Variants in GTSE1 observed in about 807,000 individuals in gnomAD.
The protein encoded by GTSE1 is G2 and S phase-expressed protein 1.
GTSE1 carries 52 observed loss-of-function variants against 60.5 expected under a neutral mutation model. The observed-to-expected ratio is 0.86, with a 90% confidence interval of 0.69 to 1.08. The LOEUF (loss-of-function observed/expected upper bound fraction) is 1.08, where lower values mean the gene tolerates loss of function less well. Among genes scored for constraint, GTSE1 ranks in the 50% least tolerant of loss-of-function variants. The pLI, the probability that GTSE1 is intolerant of heterozygous loss-of-function variation, is 0.00. For missense variants in GTSE1, 937 were observed against 961.8 expected (o/e 0.97, Z 0.34); for synonymous variants, 368 against 386.5 (o/e 0.95, Z 0.56).
Position 46,329,964 on chromosome 22 carries a change from A to ACGCAGC in GTSE1, c.2137-81_2137-76dup, listed in dbSNP as rs1338350325. On this transcript the variant is annotated intron_variant, in intron 11 of 11. Transcript: ENST00000454366. This position sits in a 1 kb window ranked among gnomAD's most constrained non-coding sequence, Gnocchi z 6.4. The stretch of plus-strand genomic sequence containing the variant: ...GATGAGCGAGTGGCTGTGATGACCC[A>ACGCAGC]CGCAGCCAGTCCTCTGTGCAGGGAG... The ACGCAGC allele has an allele frequency of 1.2e-6, 1 of 846,870 alleles. No individual in the cohort carries two copies. Among genetic ancestry groups the ACGCAGC allele is most frequent in the Non-Finnish European group, 2.0e-6 (1 of 489,676 alleles). 52.5% of individuals were successfully genotyped at this position (846,870 alleles called of 1,614,324 possible). A position where few individuals can be genotyped will look rare whatever the true frequency, so the allele number is the denominator to read the frequency against.
At chr22:46,325,011 C>T (rs1018435941) in intron 8 of GTSE1, among the ~76,000 whole-genome samples, 2 of 152,134 alleles carry the variant, frequency 1.3e-5, no homozygotes, top group African/African-American at 4.8e-5. Context: ...GCTACTATAA[C>T]AAACGTTCTA....
Position 46,316,607 on chromosome 22 carries a change from G to A in GTSE1, c.1432+195G>A, listed in dbSNP as rs2077782469. Among the ~76,000 whole-genome samples the A allele has an allele frequency of 6.6e-6, 1 of 152,124 alleles. No homozygotes were observed. The highest frequency in any genetic ancestry group is 2.4e-5 in the African/African-American group (1 of 41,404). The stretch of plus-strand genomic sequence containing the variant: ...GAGGCTCCCTGAATGTCTTACGTTC[G>A]TTCCTGTGTGTGTGACACCCCAATG... On this transcript the variant is annotated intron_variant, in intron 7 of 11. Coordinates refer to ENST00000454366, the MANE Select transcript of GTSE1 (RefSeq NM_016426.7). The surrounding 1 kb of genome is among the most constrained non-coding windows in gnomAD (Gnocchi z 5.0).
intron 2 of GTSE1, among the ~76,000 whole-genome samples, chr22:46,305,468 G>A (rs1448497154): frequency 1.3e-5 from 2 of 152,060 alleles, no homozygotes; most frequent in African/African-American, 4.8e-5. Context: ...AATTAGCTGG[G>A]CGTGGTAGCA....
Position 46,317,256 on chromosome 22 carries a change from C to T in GTSE1, c.1432+844C>T, listed in dbSNP as rs372841301. Among the ~76,000 whole-genome samples the T allele has an allele frequency of 2.1e-3, 322 of 152,294 alleles. 2 individuals carry two copies. The highest frequency in any genetic ancestry group is 7.2e-3 in the African/African-American group (298 of 41,556). On this transcript the variant is annotated intron_variant, in intron 7 of 11. Transcript: ENST00000454366. The surrounding 1 kb of genome is among the most constrained non-coding windows in gnomAD (Gnocchi z 5.6). ...TGCTGGGATTATAGGTGTGAGCCAC[C>T]GTGCCCGGCCCAGCCTTTTTCCTTG...
At chr22:46,322,778 CG>C (rs1569045777) in intron 7 of GTSE1, among the ~76,000 whole-genome samples, 3 of 152,214 alleles carry the variant, frequency 2.0e-5, no homozygotes, top group African/African-American at 7.2e-5. Flanking sequence ...CTCTGTTGCG[CG>C]TGCCTGGGAA....
At chr22:46,299,808 T>G (rs1464307723) in intron 2 of GTSE1, among the ~76,000 whole-genome samples, 1 of 151,926 alleles carries the variant, frequency 6.6e-6, no homozygotes, top group Admixed American at 6.6e-5. Context: ...TTCTTTTTTT[T>G]TTTTGAGACA....
Position 46,316,093 on chromosome 22 carries a change from C to T in GTSE1, c.1113C>T (p.Ser371=), listed in dbSNP as rs770979209. 6.5e-7 allele frequency: 1 copy of T among 1,547,694 alleles called. No homozygotes were observed. The highest frequency in any genetic ancestry group is 2.0e-5 in the Admixed American group (1 of 49,392). Residue 371 remains serine, a synonymous_variant, in exon 7 of 12, where the codon AGC becomes AGT. Transcript: ENST00000454366. This position sits in a 1 kb window ranked among gnomAD's most constrained non-coding sequence, Gnocchi z 5.0. ...ANSSRPLSNI[S]KSGRMGPAML... ...GCTCCCGGCCTCTGTCAAACATCAG[C>T]AAGTCAGGCAGAATGGGACCCGCCA...
chr22:46,297,057 T>G lies in GTSE1; in HGVS notation c.-22+126T>G. The G allele has an allele frequency of 8.1e-6, 2 of 245,994 alleles. No homozygotes were observed. The allele number at this position is 245,994 out of a possible 1,614,324, so 15.2% of individuals were successfully genotyped here. A position where few individuals can be genotyped will look rare whatever the true frequency, so the allele number is the denominator to read the frequency against. ...AGCCGGGCCTGGGCTCGAGCAGGGG[T>G]CACTGAGGCCCCTCGCGCCGTGGTC... is the stretch of plus-strand genomic sequence containing the variant. On this transcript the variant is annotated intron_variant, in intron 1 of 11. Transcript: ENST00000454366. The surrounding 1 kb of genome is among the most constrained non-coding windows in gnomAD (Gnocchi z 4.9).
At position 46,309,433 on chromosome 22, in the gene GTSE1, G is replaced by A. The variant is rs1454824574; in HGVS notation, c.762+490G>A. 6.6e-6 allele frequency among the ~76,000 whole-genome samples: 1 copy of A among 152,118 alleles called. No individual in the cohort carries two copies. The highest frequency in any genetic ancestry group is 1.9e-4 in the East Asian group (1 of 5,186). ...TCCTGGAGGTCTGGGGGAAAGCTGG[G>A]TGTGAGCACAGGACTTGCTGCCAGG... On this transcript the variant is annotated intron_variant, in intron 4 of 11. Transcript: ENST00000454366. The surrounding 1 kb of genome is among the most constrained non-coding windows in gnomAD (Gnocchi z 6.2).
intron 2 of GTSE1, among the ~76,000 whole-genome samples, 192 bp from the exon 3 acceptor site, chr22:46,307,958 A>T (rs1366921913): frequency 6.6e-6 from 1 of 152,102 alleles, no homozygotes; most frequent in Non-Finnish European, 1.5e-5. Context: ...GAAAAAATTT[A>T]AAAAATTTTT....
chr22:46,297,374 C>T lies in GTSE1; in HGVS notation c.-21-6C>T, dbSNP rs769264170. 3 of 1,555,586 alleles carry T rather than the reference C, an allele frequency of 1.9e-6. No homozygotes were observed. The highest frequency in any genetic ancestry group is 2.7e-6 in the Non-Finnish European group (3 of 1,126,804). On this transcript the variant is annotated splice_polypyrimidine_tract_variant and splice_region_variant and intron_variant, in intron 1 of 11. Coordinates refer to ENST00000454366, the MANE Select transcript of GTSE1 (RefSeq NM_016426.7). The surrounding 1 kb of genome is among the most constrained non-coding windows in gnomAD (Gnocchi z 4.9). ...ACTCACTTTCTGGCCCCGTTCCACC[C>T]TGCAGTGACTTCTGACAGCTCTCTC...
At position 46,297,271 on chromosome 22, in the gene GTSE1, C is replaced by T. The variant is rs1601895043; in HGVS notation, c.-21-109C>T. On this transcript the variant is annotated intron_variant, in intron 1 of 11. Coordinates refer to ENST00000454366, the MANE Select transcript of GTSE1 (RefSeq NM_016426.7). This position sits in a 1 kb window ranked among gnomAD's most constrained non-coding sequence, Gnocchi z 4.9. ...CGGCCCCCGCGCCGCCTCTCCCAGA[C>T]CTGGCCGCGGCCTTCAGCTCTCTCT... 1.4e-6 allele frequency: 1 copy of T among 728,308 alleles called. No individual in the cohort carries two copies. The highest frequency in any genetic ancestry group is 2.1e-5 in the Admixed American group (1 of 46,822). The allele number at this position is 728,308 out of a possible 1,614,324, so 45.1% of individuals were successfully genotyped here. A position where few individuals can be genotyped will look rare whatever the true frequency, so the allele number is the denominator to read the frequency against.
In GTSE1 at chr22:46,308,580, C is replaced by T. The variant is rs766428983; in HGVS notation, c.399C>T (p.Gly133=). 1.1e-5 allele frequency: 18 copies of T among 1,613,924 alleles called. No homozygotes were observed. In the Middle Eastern group the frequency reaches 4.9e-4, roughly 44 times the overall value. The change falls in exon 4 of 12, where the codon GGC becomes GGT. Residue 133 remains glycine (G), a synonymous_variant. Transcript: ENST00000454366. ...AGCCTGAAGACCCTCGGAGCCAGGG[C>T]GTGGAAAGATTCATACAGGAGTCAA... is the stretch of plus-strand genomic sequence containing the variant. The part of the protein sequence containing the change: ...AAKPEDPRSQ[G]VERFIQESKL...
chr22:46,323,212 A>C lies in GTSE1; in HGVS notation c.1455A>C (p.Thr485=), dbSNP rs1399170182. The C allele has an allele frequency of 6.2e-7, 1 of 1,613,890 alleles. No individual in the cohort carries two copies. Among genetic ancestry groups the C allele is most frequent in the Non-Finnish European group, 8.5e-7 (1 of 1,179,852 alleles). Residue 485 remains threonine, a synonymous_variant, in exon 8 of 12, where the codon ACA becomes ACC. Transcript: ENST00000454366. ...FSIGDSPDSS[T]PKLSRAQRPQ... is the part of the protein sequence containing the mutation. ...TAGGTGACTCCCCGGACAGCTCAACACCAAAGCTTTCGCGGGCACAGCGGC... is the reference window on the plus strand; with the variant it reads ...TAGGTGACTCCCCGGACAGCTCAACCCCAAAGCTTTCGCGGGCACAGCGGC...
At chr22:46,312,427 C>CT in intron 5 of GTSE1, 122 bp downstream of exon 5, 1 of 902,994 alleles carries the variant, frequency 1.1e-6, no homozygotes, top group Non-Finnish European at 1.7e-6. Flanking sequence ...ATCACTTGAG[C>CT]CCAGGAGTTC....
chr22:46,310,355 A>C lies in GTSE1; in HGVS notation c.762+1412A>C, dbSNP rs147791757. Among the ~76,000 whole-genome samples, 14 of 152,304 alleles carry C rather than the reference A, an allele frequency of 9.2e-5. No individual in the cohort carries two copies. Among genetic ancestry groups the C allele is most frequent in the Admixed American group, 2.6e-4 (4 of 15,294 alleles). ...ATGTGGAGAAGCTGGAAGCTCACGC[A>C]TTGCTGGTGGGACTGTGAAATGGGG... On this transcript the variant is annotated intron_variant, in intron 4 of 11. Transcript: ENST00000454366. This position sits in a 1 kb window ranked among gnomAD's most constrained non-coding sequence, Gnocchi z 4.4.
intron 8 of GTSE1, among the ~76,000 whole-genome samples, 166 bp downstream of exon 8, chr22:46,323,428 C>G (rs539874426): frequency 6.6e-6 from 1 of 152,346 alleles, no homozygotes; most frequent in East Asian, 1.9e-4. Context: ...CCTTTTAGAT[C>G]TACTGCAGAC....
At position 46,309,049 on chromosome 22, in the gene GTSE1, G is replaced by A. The variant is rs1356557047; in HGVS notation, c.762+106G>A. The A allele has an allele frequency of 2.3e-6, 3 of 1,280,334 alleles. No individual in the cohort carries two copies. Among genetic ancestry groups the A allele is most frequent in the Non-Finnish European group, 3.2e-6 (3 of 933,842 alleles). The allele number at this position is 1,280,334 out of a possible 1,614,324, so 79.3% of individuals were successfully genotyped here. A position where few individuals can be genotyped will look rare whatever the true frequency, so the allele number is the denominator to read the frequency against. On this transcript the variant is annotated intron_variant, in intron 4 of 11. Coordinates refer to ENST00000454366, the MANE Select transcript of GTSE1 (RefSeq NM_016426.7). The surrounding 1 kb of genome is among the most constrained non-coding windows in gnomAD (Gnocchi z 6.2). Reference sequence around the variant, plus strand: ...AGCCTCAGAGGTGGCGAGTCTCTGAGGCCTACAAAACACAGGAATGCGGAG... The same window carrying A: ...AGCCTCAGAGGTGGCGAGTCTCTGAAGCCTACAAAACACAGGAATGCGGAG...
chr22:46,308,204 CGAGGTAAACAAAT>C lies in GTSE1; in HGVS notation c.137+1_137+13del. ...GACTTCGATCTTTCATTGTCTTCTT[CGAGGTAAACAAAT>C]GAGTTTTCTTCCCTTGCCTTGGGCA... is the stretch of plus-strand genomic sequence containing the variant. On this transcript the variant is annotated splice_donor_variant and splice_donor_5th_base_variant and coding_sequence_variant and intron_variant, in exon 3 of 12. Coordinates refer to ENST00000454366, the MANE Select transcript of GTSE1 (RefSeq NM_016426.7). LOFTEE classifies it high-confidence loss of function. 1 of 1,612,750 alleles carries C rather than the reference CGAGGTAAACAAAT, an allele frequency of 6.2e-7. No homozygotes were observed.
Sources: gnomAD v4.1 joint callset for allele counts (sites outside exome capture counted in the v4.1 genomes callset) on GRCh38, gnomAD v4.1.1 for gene constraint, Gnocchi (gnomAD v3.1) non-coding constraint, MANE v1.5 for transcripts, NCBI Gene and HGNC (gene_info 2026-07-23, HGNC 2026-07-21) for gene names.